Variants in DPF3 observed in about 807,000 individuals in gnomAD.
The protein encoded by DPF3 is double PHD fingers 3, also known as zinc finger protein DPF3.
Under a neutral mutation model 56.8 loss-of-function variants are expected in DPF3, and 18 were observed. The ratio of observed to expected loss-of-function variants is 0.32; its 90% CI spans 0.22 to 0.47. The LOEUF is 0.47. DPF3 is among the 20% of genes least tolerant of loss of function. The pLI is 1.00. For synonymous variants in DPF3, 188 were observed against 180.2 expected, an observed-to-expected ratio of 1.04 and a Z score of -0.35; for missense variants, 403 against 488.8, an observed-to-expected ratio of 0.82 and a Z score of 1.65.
chr14:72,666,094 A>G (rs1886431928), intron 8 of DPF3, among the ~76,000 whole-genome samples: 1 of 152,182 alleles, frequency 6.6e-6, no homozygotes. Context: ...GGTGATCAGA[A>G]ATCACTTTTA....
intron 1 of DPF3, among the ~76,000 whole-genome samples, chr14:72,776,826 G>A (rs2031286292): frequency 6.7e-6 from 1 of 148,684 alleles, no homozygotes; most frequent in Non-Finnish European, 1.5e-5. Context: ...TCTGCCAGAA[G>A]CCTGCTCCCG....
intron 1 of DPF3, among the ~76,000 whole-genome samples, chr14:72,889,369 G>A (rs531219577): frequency 1.3e-5 from 2 of 152,252 alleles, no homozygotes; most frequent in South Asian, 2.1e-4. Flanking sequence ...GAGAATTTAG[G>A]GCTTTTTTAT....
At chr14:72,745,026 G>A (rs1479892864) in intron 3 of DPF3, among the ~76,000 whole-genome samples, 1 of 150,770 alleles carries the variant, frequency 6.6e-6, no homozygotes, top group Non-Finnish European at 1.5e-5. Flanking sequence ...AGCATCCTCT[G>A]TCAAGGGGAG....
intron 1 of DPF3, chr14:72,892,158 G>A: frequency 6.5e-7 from 1 of 1,535,148 alleles, no homozygotes; most frequent in Non-Finnish European, 8.7e-7. Context: ...TGGTGCACAT[G>A]TGAAATAGGT....
intron 1 of DPF3, among the ~76,000 whole-genome samples, chr14:72,776,835 C>T (rs186869947): frequency 4.2e-4 from 63 of 151,782 alleles, no homozygotes; most frequent in African/African-American, 1.2e-3. Flanking sequence ...AGCCTGCTCC[C>T]GCCCACTCAA....
At chr14:72,853,450 T>A (rs1885062183) in intron 1 of DPF3, 1 of 150,234 alleles carries the variant, frequency 6.7e-6, no homozygotes, top group Admixed American at 6.7e-5. Context: ...GCCAGTAGAA[T>A]TTAGAAATAG....
intron 2 of DPF3, among the ~76,000 whole-genome samples, chr14:72,761,794 A>G (rs1295624117): frequency 6.6e-6 from 1 of 151,952 alleles, no homozygotes; most frequent in Non-Finnish European, 1.5e-5. Flanking sequence ...GAAAAGATCA[A>G]TAAAATTGAT....
chr14:72,723,774 A>G (rs1304932104), intron 4 of DPF3, 46 bp from the exon 5 acceptor site: 1 of 1,522,722 alleles, frequency 6.6e-7, no homozygotes. Context: ...CGAAATGCAA[A>G]GGGAAAAACC....
intron 1 of DPF3, among the ~76,000 whole-genome samples, chr14:72,878,119 C>T (rs142646508): frequency 6.6e-6 from 1 of 152,328 alleles, no homozygotes; most frequent in East Asian, 1.9e-4. Flanking sequence ...GTCTTTCAGA[C>T]CAGGATCTGA....
At chr14:72,762,755 G>C (rs1483752991) in intron 2 of DPF3, among the ~76,000 whole-genome samples, 5 of 151,800 alleles carry the variant, frequency 3.3e-5, no homozygotes, top group Non-Finnish European at 7.4e-5. Flanking sequence ...CAGTGCAAGA[G>C]ACAAATAAAA....
At chr14:72,850,395 C>T (rs1399467104) in intron 1 of DPF3, among the ~76,000 whole-genome samples, 4 of 152,130 alleles carry the variant, frequency 2.6e-5, no homozygotes, top group South Asian at 2.1e-4. Flanking sequence ...GAGTTTGACA[C>T]GCCCACAGCA....
rs538049631 is a variant in DPF3 at position 72,745,070 on chromosome 14, A to G, written c.301+8194T>C. On this transcript the variant is annotated intron_variant, in intron 3 of 10. Coordinates refer to ENST00000556509, the MANE Select transcript of DPF3 (RefSeq NM_001280542.3). ...AGGAGGCTGGGAGGGAAGATGAGGA[A>G]AAGACAGGCATCCTCAGGGGGTGGG... Among the ~76,000 whole-genome samples, 3 of 151,856 alleles carry G rather than the reference A, an allele frequency of 2.0e-5. No individual in the cohort carries two copies. In the East Asian group the frequency reaches 5.8e-4, roughly 29 times the overall value.
chr14:72,680,673 T>C (rs1007680657), intron 7 of DPF3, among the ~76,000 whole-genome samples: 1 of 152,172 alleles, frequency 6.6e-6, no homozygotes, highest in Admixed American at 6.5e-5. Context: ...ACTGTCACAC[T>C]CCGCACCGTC....
At chr14:72,699,615 A>G (rs1888074102) in intron 6 of DPF3, among the ~76,000 whole-genome samples, 1 of 152,150 alleles carries the variant, frequency 6.6e-6, no homozygotes, top group Non-Finnish European at 1.5e-5. Flanking sequence ...AGACGACAGT[A>G]ACAATGACAC....
Position 72,873,637 on chromosome 14 carries a change from G to A in DPF3, c.32+20420C>T, listed in dbSNP as rs868253404. Among the ~76,000 whole-genome samples, 153 of 152,200 alleles carry A rather than the reference G, an allele frequency of 1.0e-3. 1 individual carries two copies. The highest frequency in any genetic ancestry group is 6.8e-3 in the Middle Eastern group (2 of 294). On this transcript the variant is annotated intron_variant, in intron 1 of 10. Transcript: ENST00000556509. ...ACACACGCACATGTATGTTTATTGC[G>A]GCACTATTCACAATAGCAAAGACTT... is the stretch of plus-strand genomic sequence containing the variant.
chr14:72,842,719 G>A (rs570010695), intron 1 of DPF3, among the ~76,000 whole-genome samples: 2 of 152,216 alleles, frequency 1.3e-5, no homozygotes, highest in African/African-American at 4.8e-5. Context: ...ATTAGCCAAT[G>A]AACAAAAATA....
intron 8 of DPF3, among the ~76,000 whole-genome samples, chr14:72,635,642 G>A (rs1379547419): frequency 6.6e-6 from 1 of 152,134 alleles, no homozygotes; most frequent in Non-Finnish European, 1.5e-5. Context: ...CAACTTAAAA[G>A]CTAACCTAAG....
chr14:72,837,738 G>A (rs893679602), intron 1 of DPF3, among the ~76,000 whole-genome samples: 65 of 151,324 alleles, frequency 4.3e-4, no homozygotes, highest in Non-Finnish European at 8.8e-5. Context: ...ACTCCATCTC[G>A]AAAAAATAAA....
intron 7 of DPF3, among the ~76,000 whole-genome samples, chr14:72,679,584 G>A (rs72728576): frequency 0.027 from 4,133 of 152,278 alleles, 76 homozygotes; most frequent in Non-Finnish European, 0.043. Context: ...GCCTCTCCTC[G>A]CCCCTCTCGT....
Sources: gnomAD v4.1 joint callset for allele counts (sites outside exome capture counted in the v4.1 genomes callset) on GRCh38, gnomAD v4.1.1 for gene constraint, MANE v1.5 for transcripts, NCBI Gene and HGNC (gene_info 2026-07-23, HGNC 2026-07-21) for gene names.